Variants in DLGAP1 observed in about 807,000 individuals in gnomAD.
The protein encoded by DLGAP1 is disks large-associated protein 1.
Under a neutral mutation model 90.8 loss-of-function variants are expected in DLGAP1, and 11 were observed. That is an observed-to-expected ratio of 0.12 (90% CI 0.08 to 0.20). DLGAP1 has a LOEUF of 0.20. DLGAP1 is among the 10% of genes least tolerant of loss of function. The probability of loss-of-function intolerance (pLI) is 1.00; values close to 1 mark genes in which losing one functional copy is unlikely to be tolerated. For missense variants in DLGAP1, 1,050 were observed against 1,333.8 expected (o/e 0.79, Z 3.31); for synonymous variants, 558 against 540.7 (o/e 1.03, Z -0.44).
intron 1 of DLGAP1, among the ~76,000 whole-genome samples, chr18:4,309,403 C>A (rs2080342545): frequency 6.6e-6 from 1 of 152,020 alleles, no homozygotes; most frequent in Non-Finnish European, 1.5e-5. Context: ...CAAGAGAGTG[C>A]AAGAGAATTT....
At chr18:4,088,533 T>C (rs2075721150) in intron 2 of DLGAP1, among the ~76,000 whole-genome samples, 1 of 152,228 alleles carries the variant, frequency 6.6e-6, no homozygotes, top group Non-Finnish European at 1.5e-5. Flanking sequence ...ATAGATTGTT[T>C]CTGCCTAATG....
intron 1 of DLGAP1, among the ~76,000 whole-genome samples, chr18:4,407,617 G>T (rs934909855): frequency 1.3e-5 from 2 of 151,996 alleles, no homozygotes; most frequent in Non-Finnish European, 2.9e-5. Context: ...GCTGGCTCAC[G>T]CCTGTAATCC....
At chr18:3,748,523 T>G (rs1298639565) in intron 5 of DLGAP1, among the ~76,000 whole-genome samples, 1 of 152,228 alleles carries the variant, frequency 6.6e-6, no homozygotes, top group African/African-American at 2.4e-5. Flanking sequence ...TAAGTTTTGT[T>G]CATTTTCACG....
At chr18:4,243,584 T>C (rs1405631228) in intron 1 of DLGAP1, among the ~76,000 whole-genome samples, 21 of 152,234 alleles carry the variant, frequency 1.4e-4, no homozygotes, top group Admixed American at 1.2e-3. Flanking sequence ...TAACTCATGA[T>C]GACACAGACA....
chr18:3,717,580 T>C (rs2061808688), intron 7 of DLGAP1, among the ~76,000 whole-genome samples: 1 of 152,166 alleles, frequency 6.6e-6, no homozygotes, highest in African/African-American at 2.4e-5. Flanking sequence ...TGGGGTGACA[T>C]GTGACCACCC....
chr18:3,977,438 T>TGG (rs2073614315), intron 3 of DLGAP1, among the ~76,000 whole-genome samples: 4 of 114,928 alleles, frequency 3.5e-5, no homozygotes, highest in African/African-American at 1.8e-4. Context: ...TTCTGTGTTT[T>TGG]TTTTTTTTTT....
intron 7 of DLGAP1, among the ~76,000 whole-genome samples, chr18:3,725,905 ACT>A (rs2062158134): frequency 6.6e-6 from 1 of 152,132 alleles, no homozygotes; most frequent in Non-Finnish European, 1.5e-5. Flanking sequence ...GTGGCATCAG[ACT>A]CTTGTCTGTG....
intron 10 of DLGAP1, among the ~76,000 whole-genome samples, chr18:3,523,632 G>C (rs562875472): frequency 6.6e-6 from 1 of 152,004 alleles, no homozygotes; most frequent in Non-Finnish European, 1.5e-5. Flanking sequence ...CGGATCACGA[G>C]GTCAGGAGAT....
At chr18:3,873,166 T>C (rs941640594) in intron 4 of DLGAP1, among the ~76,000 whole-genome samples, 1 of 152,182 alleles carries the variant, frequency 6.6e-6, no homozygotes, top group Non-Finnish European at 1.5e-5. Context: ...AATTTTTTTT[T>C]CCCTTTATTA....
chr18:3,785,071 A>G (rs2065382515), intron 5 of DLGAP1, among the ~76,000 whole-genome samples: 1 of 152,212 alleles, frequency 6.6e-6, no homozygotes, highest in South Asian at 2.1e-4. Flanking sequence ...TTTTTAAATA[A>G]TCTATGCAGC....
chr18:3,799,576 T>C (rs2148314276), intron 5 of DLGAP1, among the ~76,000 whole-genome samples: 1 of 152,074 alleles, frequency 6.6e-6, no homozygotes, highest in East Asian at 1.9e-4. Context: ...TTTACATTGT[T>C]ACCTCCGGGG....
chr18:3,650,766 G>A (rs564126263), intron 7 of DLGAP1, among the ~76,000 whole-genome samples: 3 of 152,260 alleles, frequency 2.0e-5, no homozygotes, highest in South Asian at 2.1e-4. Context: ...TTTGATTTCC[G>A]GTAGTAAAAA....
chr18:3,897,361 C>T (rs1464308298), intron 3 of DLGAP1, among the ~76,000 whole-genome samples: 2 of 152,202 alleles, frequency 1.3e-5, no homozygotes, highest in Admixed American at 1.3e-4. Flanking sequence ...AATAACTTCT[C>T]AGTTATCCAC....
intron 1 of DLGAP1, among the ~76,000 whole-genome samples, chr18:4,413,100 C>A (rs1468159329): frequency 6.6e-6 from 1 of 152,176 alleles, no homozygotes; most frequent in East Asian, 1.9e-4. Flanking sequence ...CAGCCTGAGA[C>A]AGGCATGGTG....
intron 2 of DLGAP1, among the ~76,000 whole-genome samples, chr18:4,038,397 C>T (rs2149142530): frequency 6.6e-6 from 1 of 152,120 alleles, no homozygotes. Flanking sequence ...GGGATGATGA[C>T]CCATTTCATA....
intron 5 of DLGAP1, among the ~76,000 whole-genome samples, chr18:3,777,031 C>G (rs567733542): frequency 1.3e-5 from 2 of 151,782 alleles, no homozygotes; most frequent in Non-Finnish European, 2.9e-5. Flanking sequence ...AAGCAATCCT[C>G]CTGCCTCAGC....
chr18:4,160,648 A>G (rs1006390149), intron 1 of DLGAP1, among the ~76,000 whole-genome samples: 1 of 152,166 alleles, frequency 6.6e-6, no homozygotes, highest in Admixed American at 6.5e-5. Context: ...TAAGAAATCA[A>G]AATATTACAC....
chr18:4,114,474 C>T (rs1447348792), intron 2 of DLGAP1, among the ~76,000 whole-genome samples: 1 of 152,070 alleles, frequency 6.6e-6, no homozygotes, highest in African/African-American at 2.4e-5. Flanking sequence ...CCTGAAACTT[C>T]ACTGAAGTTG....
At chr18:4,364,248 G>A (rs1332681504) in intron 1 of DLGAP1, among the ~76,000 whole-genome samples, 1 of 112,614 alleles carries the variant, frequency 8.9e-6, no homozygotes, top group Non-Finnish European at 1.7e-5. Flanking sequence ...ACACTCTGGG[G>A]ACTGTTGTGG....
Sources: gnomAD v4.1 joint callset for allele counts (sites outside exome capture counted in the v4.1 genomes callset) on GRCh38, gnomAD v4.1.1 for gene constraint, MANE v1.5 for transcripts, NCBI Gene and HGNC (gene_info 2026-07-23, HGNC 2026-07-21) for gene names.